The following BICDL1 variants were observed in gnomAD, a reference collection of about 807,000 sequenced individuals.
The protein encoded by BICDL1 is BICD family like cargo adaptor 1.
Under a neutral mutation model 76.8 loss-of-function variants are expected in BICDL1, and 20 were observed. The observed-to-expected ratio is 0.26, with a 90% CI of 0.18 to 0.38. The LOEUF (loss-of-function observed/expected upper bound fraction) is 0.38, where lower values mean the gene tolerates loss of function less well. Ranked by LOEUF, BICDL1 falls within the 10% of genes least tolerant of loss-of-function variation. The probability of loss-of-function intolerance (pLI) is 1.00; values close to 1 mark genes in which losing one functional copy is unlikely to be tolerated. For missense variants in BICDL1, 700 were observed against 798.6 expected, an observed-to-expected ratio of 0.88 and a Z score of 1.49; for synonymous variants, 383 against 337.1, an observed-to-expected ratio of 1.14 and a Z score of -1.49.
Position 120,079,729 on chromosome 12 carries a change from A to G in BICDL1, c.1453-1158A>G, listed in dbSNP as rs1278941290. On this transcript the variant is annotated intron_variant, in intron 7 of 9. Coordinates refer to ENST00000548673, the MANE Select transcript of BICDL1 (RefSeq NM_001367886.1). The surrounding 1 kb of genome is among the most constrained non-coding windows in gnomAD (Gnocchi z 4.3). Reference sequence around the variant, plus strand: ...GAGAATGTATGAGACCTGAAAGCTTACAGAATCAACAGGAAAGTGGGAGAA... The same window carrying G: ...GAGAATGTATGAGACCTGAAAGCTTGCAGAATCAACAGGAAAGTGGGAGAA... 1.3e-5 allele frequency among the ~76,000 whole-genome samples: 2 copies of G among 152,240 alleles called. No homozygotes were observed. Among genetic ancestry groups the G allele is most frequent in the East Asian group, 1.9e-4 (1 of 5,200 alleles).
chr12:120,092,901 T>C (rs1383573830), intron 9 of BICDL1, 99 bp from the exon 10 acceptor site: 6 of 1,470,770 alleles, frequency 4.1e-6, no homozygotes, highest in African/African-American at 1.4e-5. Flanking sequence ...CATCACATTC[T>C]CATCTCTCAT....
rs185681207 is a variant in BICDL1, at chr12:120,031,414, C to T, written c.646-30296C>T. Among the ~76,000 whole-genome samples the T allele has an allele frequency of 7.4e-4, 112 of 152,194 alleles. 2 individuals carry two copies. The East Asian group carries it at 0.019, about 26-fold the overall frequency. On this transcript the variant is annotated intron_variant, in intron 2 of 9. Coordinates refer to ENST00000548673, the MANE Select transcript of BICDL1 (RefSeq NM_001367886.1). ...AGAGATGGGGTTTCACCATGTTAGC[C>T]AGGATGGTCTCCATCTCCTGACCTC... is the stretch of plus-strand genomic sequence containing the variant.
chr12:120,056,725 A>AG (rs1468428283), intron 2 of BICDL1, among the ~76,000 whole-genome samples: 2 of 152,180 alleles, frequency 1.3e-5, no homozygotes, highest in African/African-American at 4.8e-5. Context: ...TCAAAAAAAA[A>AG]AAAAAGTGAA....
intron 4 of BICDL1, among the ~76,000 whole-genome samples, chr12:120,068,520 G>T (rs1197943553): frequency 6.6e-6 from 1 of 152,170 alleles, no homozygotes; most frequent in Non-Finnish European, 1.5e-5. Flanking sequence ...GCACAGATAA[G>T]AAGATAGCAT....
chr12:120,041,759 T>G (rs79812388), intron 2 of BICDL1, among the ~76,000 whole-genome samples: 1,883 of 152,202 alleles, frequency 0.012, 38 homozygotes, highest in East Asian at 0.043. Flanking sequence ...GGGAATCATA[T>G]GCACAGATTT....
chr12:120,036,917 C>T (rs1254124971), intron 2 of BICDL1, among the ~76,000 whole-genome samples: 1 of 152,126 alleles, frequency 6.6e-6, no homozygotes, highest in African/African-American at 2.4e-5. Context: ...AATCTTATTG[C>T]ACAGACATAT....
chr12:120,046,559 T>C (rs146616685), intron 2 of BICDL1, among the ~76,000 whole-genome samples: 1 of 152,250 alleles, frequency 6.6e-6, no homozygotes, highest in Non-Finnish European at 1.5e-5. Flanking sequence ...ACACAGAGAA[T>C]TAAGCAGTTT....
At chr12:120,070,486 A>G (rs1273951108) in intron 4 of BICDL1, among the ~76,000 whole-genome samples, 1 of 152,174 alleles carries the variant, frequency 6.6e-6, no homozygotes, top group Non-Finnish European at 1.5e-5. Context: ...TTTTGAAGTA[A>G]ATCTCAGAAT....
intron 8 of BICDL1, among the ~76,000 whole-genome samples, chr12:120,088,952 CCG>C (rs1874693490): frequency 2.0e-5 from 3 of 152,250 alleles, no homozygotes; most frequent in Admixed American, 2.0e-4. Context: ...GGGTGAGCCA[CCG>C]CACCCGGCCT....
intron 8 of BICDL1, among the ~76,000 whole-genome samples, chr12:120,081,850 C>G (rs935117687): frequency 1.3e-5 from 2 of 150,452 alleles, no homozygotes; most frequent in African/African-American, 4.9e-5. Context: ...CTCCACCTCC[C>G]TGTTGGATTA....
chr12:120,078,974 A>T (rs1416150401), intron 7 of BICDL1, among the ~76,000 whole-genome samples: 1 of 152,152 alleles, frequency 6.6e-6, no homozygotes, highest in Non-Finnish European at 1.5e-5. Context: ...GCTGCTAAAT[A>T]GGGGGAGGCT....
chr12:120,021,582 A>G (rs112888868), intron 2 of BICDL1, among the ~76,000 whole-genome samples: 38,392 of 122,660 alleles, frequency 0.31, 7,489 homozygotes, highest in African/African-American at 0.56. Context: ...ACGAGACTCC[A>G]TCTCAAAAAA....
chr12:120,064,190 C>T (rs1953168476), intron 3 of BICDL1, among the ~76,000 whole-genome samples: 2 of 152,190 alleles, frequency 1.3e-5, no homozygotes, highest in African/African-American at 4.8e-5. Flanking sequence ...ACCCTGGGAG[C>T]TCTTCCCTTA....
chr12:120,035,041 G>A (rs1952505050), intron 2 of BICDL1, among the ~76,000 whole-genome samples: 2 of 152,152 alleles, frequency 1.3e-5, no homozygotes. Flanking sequence ...TCCAGAGTAA[G>A]AATAAAAGGA....
At chr12:120,054,437 C>T (rs1221645948) in intron 2 of BICDL1, among the ~76,000 whole-genome samples, 1 of 152,132 alleles carries the variant, frequency 6.6e-6, no homozygotes, top group East Asian at 1.9e-4. Flanking sequence ...CAGTCTACTT[C>T]TACTCAGGTA....
At chr12:120,028,665 A>G (rs564605621) in intron 2 of BICDL1, among the ~76,000 whole-genome samples, 1 of 152,288 alleles carries the variant, frequency 6.6e-6, no homozygotes, top group East Asian at 1.9e-4. Flanking sequence ...CAACAGAGTA[A>G]GACTCAGACT....
chr12:120,081,338 A>AG (rs1420995054), intron 8 of BICDL1, among the ~76,000 whole-genome samples: 1 of 150,330 alleles, frequency 6.7e-6, no homozygotes, highest in Non-Finnish European at 1.5e-5. Flanking sequence ...CTTGTATCTT[A>AG]AAGAGCTTTC....
chr12:120,028,998 AACTT>A (rs1429488212), intron 2 of BICDL1, among the ~76,000 whole-genome samples: 2 of 152,222 alleles, frequency 1.3e-5, no homozygotes, highest in African/African-American at 4.8e-5. Context: ...GAGGGCAACT[AACTT>A]AGGAAAAAGC....
At chr12:120,028,885 T>C (rs893561358) in intron 2 of BICDL1, among the ~76,000 whole-genome samples, 1 of 152,030 alleles carries the variant, frequency 6.6e-6, no homozygotes, top group African/African-American at 2.4e-5. Flanking sequence ...AAATGTATTA[T>C]ATTATGAAGG....
Sources: gnomAD v4.1 joint callset for allele counts (sites outside exome capture counted in the v4.1 genomes callset) on GRCh38, gnomAD v4.1.1 for gene constraint, Gnocchi (gnomAD v3.1) non-coding constraint, MANE v1.5 for transcripts, NCBI Gene and HGNC (gene_info 2026-07-23, HGNC 2026-07-21) for gene names.